Variants in SLC39A11 observed in about 807,000 individuals in gnomAD.
The protein encoded by SLC39A11 is zinc transporter ZIP11.
Under a neutral mutation model 36.1 loss-of-function variants are expected in SLC39A11, and 33 were observed. The ratio of observed to expected loss-of-function variants is 0.91; its 90% CI spans 0.69 to 1.22. The LOEUF (loss-of-function observed/expected upper bound fraction) is 1.22, where lower values mean the gene tolerates loss of function less well. Ranked by LOEUF, SLC39A11 falls within the 50% of genes most tolerant of loss-of-function variation. The pLI, the probability that SLC39A11 is intolerant of heterozygous loss-of-function variation, is 0.00. For synonymous variants in SLC39A11, 166 were observed against 170.3 expected, an observed-to-expected ratio of 0.97 and a Z score of 0.20; for missense variants, 432 against 430.3, an observed-to-expected ratio of 1.00 and a Z score of -0.03.
chr17:72,933,695 T>C (rs919261681), intron 5 of SLC39A11, among the ~76,000 whole-genome samples: 1 of 152,170 alleles, frequency 6.6e-6, no homozygotes, highest in African/African-American at 2.4e-5. Context: ...AAGTTTTGTA[T>C]TTTTAGTAAA....
intron 6 of SLC39A11, among the ~76,000 whole-genome samples, chr17:72,783,051 T>C (rs1323355292): frequency 6.7e-6 from 1 of 148,320 alleles, no homozygotes; most frequent in South Asian, 2.1e-4. Context: ...AAAGCAGATT[T>C]TCACCAGAAA....
intron 4 of SLC39A11, among the ~76,000 whole-genome samples, chr17:73,024,063 T>A (rs1306493531): frequency 6.6e-6 from 1 of 152,236 alleles, no homozygotes; most frequent in African/African-American, 2.4e-5. Context: ...TATTTTGCTA[T>A]GGCAGCCCCA....
intron 5 of SLC39A11, among the ~76,000 whole-genome samples, chr17:72,882,167 A>G: frequency 6.6e-6 from 1 of 152,150 alleles, no homozygotes; most frequent in South Asian, 2.1e-4. Context: ...AGCCTGGCCA[A>G]CATGTCGAAA....
intron 5 of SLC39A11, among the ~76,000 whole-genome samples, chr17:72,911,434 T>C (rs1379346059): frequency 6.6e-6 from 1 of 152,034 alleles, no homozygotes; most frequent in Non-Finnish European, 1.5e-5. Flanking sequence ...AAAAAAACTT[T>C]ACACAAAAAC....
intron 4 of SLC39A11, among the ~76,000 whole-genome samples, chr17:73,010,883 C>G (rs754100909): frequency 4.3e-4 from 65 of 152,356 alleles, no homozygotes; most frequent in Admixed American, 8.5e-4. Context: ...GCACTTTCAA[C>G]TTCGATGCCG....
intron 5 of SLC39A11, among the ~76,000 whole-genome samples, chr17:72,918,174 C>T (rs1046104805): frequency 5.3e-5 from 8 of 152,136 alleles, no homozygotes; most frequent in African/African-American, 9.6e-5. Context: ...TTTGGGAGGC[C>T]GAGGCGGGTG....
intron 6 of SLC39A11, among the ~76,000 whole-genome samples, chr17:72,785,092 T>C (rs1481212850): frequency 6.6e-6 from 1 of 152,116 alleles, no homozygotes; most frequent in Non-Finnish European, 1.5e-5. Context: ...GGTCTTGAAC[T>C]CCTGACCTCA....
intron 3 of SLC39A11, among the ~76,000 whole-genome samples, chr17:73,081,669 A>ATATATGTATATATG (rs1331925940): frequency 1.2e-5 from 1 of 80,756 alleles, no homozygotes; most frequent in African/African-American, 4.8e-5. Flanking sequence ...ACACACACAC[A>ATATATGTATATATG]CATATATATA....
chr17:72,649,336 G>C, intron 7 of SLC39A11, 68 bp from the exon 8 acceptor site: 1 of 1,450,408 alleles, frequency 6.9e-7, no homozygotes, highest in East Asian at 2.4e-5. Flanking sequence ...GGAGTCCCTG[G>C]CCGAGGCCAA....
At chr17:72,760,017 G>A (rs758453210) in intron 6 of SLC39A11, among the ~76,000 whole-genome samples, 3 of 152,094 alleles carry the variant, frequency 2.0e-5, no homozygotes, top group African/African-American at 7.2e-5. Context: ...GTCACATATA[G>A]GTTTTGTGAA....
At chr17:73,049,273 G>A (rs571388735) in intron 3 of SLC39A11, among the ~76,000 whole-genome samples, 1 of 152,210 alleles carries the variant, frequency 6.6e-6, no homozygotes, top group African/African-American at 2.4e-5. Flanking sequence ...GCTTCAACTA[G>A]ATGCATCCAG....
intron 6 of SLC39A11, among the ~76,000 whole-genome samples, chr17:72,812,797 C>T (rs1365365062): frequency 6.6e-6 from 1 of 152,138 alleles, no homozygotes; most frequent in Non-Finnish European, 1.5e-5. Flanking sequence ...ATAAATATCT[C>T]GATGTCATTT....
intron 6 of SLC39A11, among the ~76,000 whole-genome samples, chr17:72,811,836 G>C (rs1283610821): frequency 6.6e-6 from 1 of 152,154 alleles, no homozygotes; most frequent in Non-Finnish European, 1.5e-5. Flanking sequence ...GATGATAAGG[G>C]AACCACATCA....
rs1287225190 is a variant in SLC39A11 at position 72,827,915 on chromosome 17, C to G, written c.601+21719G>C. 2.6e-5 allele frequency among the ~76,000 whole-genome samples: 4 copies of G among 152,198 alleles called. No homozygotes were observed. In the South Asian group the frequency reaches 6.2e-4, roughly 24 times the overall value. The stretch of plus-strand genomic sequence containing the variant: ...CATAGAAGAGAGAACTGTAATAAAG[C>G]AAGAGGGAAATACAGTTTCTTTCCC... On this transcript the variant is annotated intron_variant, in intron 6 of 9. Coordinates refer to ENST00000255559, the MANE Select transcript of SLC39A11 (RefSeq NM_139177.4).
intron 5 of SLC39A11, among the ~76,000 whole-genome samples, chr17:72,908,450 C>A (rs1224216963): frequency 6.6e-6 from 1 of 152,220 alleles, no homozygotes; most frequent in Non-Finnish European, 1.5e-5. Flanking sequence ...AACAACACGG[C>A]TGCATCTGAC....
chr17:72,869,176 T>G (rs936920806), intron 5 of SLC39A11, among the ~76,000 whole-genome samples: 1 of 152,174 alleles, frequency 6.6e-6, no homozygotes, highest in Non-Finnish European at 1.5e-5. Flanking sequence ...CCCCATGTTG[T>G]CCTTCCCAAG....
chr17:72,792,377 C>A (rs1157300790), intron 6 of SLC39A11, among the ~76,000 whole-genome samples: 1 of 152,188 alleles, frequency 6.6e-6, no homozygotes, highest in South Asian at 2.1e-4. Flanking sequence ...GAGGACTGGG[C>A]TGGGTGCAGT....
chr17:72,776,719 T>C (rs532320119), intron 6 of SLC39A11, among the ~76,000 whole-genome samples: 164 of 148,362 alleles, frequency 1.1e-3, no homozygotes, highest in African/African-American at 3.8e-3. Flanking sequence ...ATTATATATA[T>C]ACCCGTGGTC....
At chr17:72,774,646 T>C (rs2076070105) in intron 6 of SLC39A11, among the ~76,000 whole-genome samples, 1 of 152,154 alleles carries the variant, frequency 6.6e-6, no homozygotes, top group South Asian at 2.1e-4. Flanking sequence ...GGCATGTCAG[T>C]TGGCCTTAAG....
Sources: allele counts gnomAD v4.1 joint callset (sites outside exome capture counted in the v4.1 genomes callset), GRCh38; gene constraint gnomAD v4.1.1; transcripts MANE v1.5; gene names NCBI Gene and HGNC (gene_info 2026-07-23, HGNC 2026-07-21).